AP1G1: variants seen among roughly 807,000 people sequenced by gnomAD.
The protein encoded by AP1G1 is adaptor related protein complex 1 subunit gamma 1, also known as AP-1 complex subunit gamma-1.
A neutral mutation model predicts 108.3 loss-of-function variants in AP1G1; 7 were observed. The ratio of observed to expected loss-of-function variants is 0.06; its 90% CI spans 0.04 to 0.12. The LOEUF is 0.12. AP1G1 is among the 10% of genes least tolerant of loss of function. The pLI is 1.00. For synonymous variants in AP1G1, 379 were observed against 353.5 expected, an observed-to-expected ratio of 1.07 and a Z score of -0.81; for missense variants, 756 against 1,010.7, an observed-to-expected ratio of 0.75 and a Z score of 3.42.
chr16:71,799,097 A>T (rs1378144543), intron 1 of AP1G1, among the ~76,000 whole-genome samples: 2 of 152,174 alleles, frequency 1.3e-5, no homozygotes, highest in Middle Eastern at 3.2e-3. Flanking sequence ...GGGAAGTTAA[A>T]ATTAAGACAA....
chr16:71,761,692 G>A (rs2031092345), intron 9 of AP1G1, 125 bp from the exon 10 acceptor site: 2 of 712,272 alleles, frequency 2.8e-6, no homozygotes, highest in East Asian at 2.7e-5. Flanking sequence ...AAAAGGAGCT[G>A]GGTGCGGTGG....
chr16:71,769,560 T>C (rs755058656), intron 6 of AP1G1, 63 bp downstream of exon 6: 13 of 1,434,752 alleles, frequency 9.1e-6, no homozygotes, highest in Middle Eastern at 2.0e-4. Flanking sequence ...AAGAAAATCA[T>C]GTACTTTTCA....
intron 8 of AP1G1, 51 bp from the exon 9 acceptor site, chr16:71,764,499 A>T: frequency 7.3e-7 from 1 of 1,375,370 alleles, no homozygotes; most frequent in Non-Finnish European, 1.0e-6. Flanking sequence ...CAATGCTCCC[A>T]AAACATATTC....
intron 1 of AP1G1, among the ~76,000 whole-genome samples, chr16:71,791,479 G>T (rs2032395887): frequency 6.6e-6 from 1 of 151,946 alleles, no homozygotes; most frequent in Admixed American, 6.6e-5. Flanking sequence ...GTAAAATCTT[G>T]TGAAGAATGT....
At position 71,761,538 on chromosome 16, in the gene AP1G1, G is replaced by A. The variant is rs1288666053; in HGVS notation, c.948C>T (p.Phe316=). 1.2e-6 allele frequency: 2 copies of A among 1,602,276 alleles called. No individual in the cohort carries two copies. Among genetic ancestry groups the A allele is most frequent in the African/African-American group, 2.7e-5 (2 of 74,564 alleles). The change falls in exon 10 of 23, where the codon TTC becomes TTT. Residue 316 remains phenylalanine (F), a synonymous_variant. Transcript: ENST00000299980. ...RVLAINILGR[F]LLNNDKNIRY... ...TAATATTCTTGTCATTGTTCAATAA[G>A]AAACGACCCAGGATATTTATGGCTA...
At chr16:71,775,935 A>C (rs1254127333) in intron 2 of AP1G1, among the ~76,000 whole-genome samples, 1 of 152,228 alleles carries the variant, frequency 6.6e-6, no homozygotes, top group Non-Finnish European at 1.5e-5. Flanking sequence ...AACCACCTTC[A>C]AAATCACTTT....
chr16:71,776,348 C>T (rs2031779849), intron 2 of AP1G1, among the ~76,000 whole-genome samples: 1 of 152,142 alleles, frequency 6.6e-6, no homozygotes, highest in African/African-American at 2.4e-5. Flanking sequence ...AAAAGGAAAA[C>T]ATAAATGCCT....
intron 21 of AP1G1, 50 bp downstream of exon 21, chr16:71,738,892 G>T (rs904764): frequency 6.9e-7 from 1 of 1,440,060 alleles, no homozygotes; most frequent in Non-Finnish European, 9.4e-7. Context: ...AAAAAAAAAA[G>T]CCAGCCAATC....
At chr16:71,790,979 G>A (rs1166049648) in intron 1 of AP1G1, among the ~76,000 whole-genome samples, 1 of 152,150 alleles carries the variant, frequency 6.6e-6, no homozygotes, top group Non-Finnish European at 1.5e-5. Context: ...CCAGCACTTT[G>A]GGAGGCCAAG....
At chr16:71,795,665 A>G (rs1343496756) in intron 1 of AP1G1, among the ~76,000 whole-genome samples, 1 of 152,218 alleles carries the variant, frequency 6.6e-6, no homozygotes, top group Non-Finnish European at 1.5e-5. Flanking sequence ...CTAGAATGTG[A>G]CACTAGAAAA....
intron 1 of AP1G1, among the ~76,000 whole-genome samples, chr16:71,793,221 T>G (rs1192082684): frequency 2.0e-5 from 3 of 152,106 alleles, no homozygotes; most frequent in Non-Finnish European, 2.9e-5. Flanking sequence ...ACTCCAACCT[T>G]TTTTTAAAAA....
In AP1G1 at chr16:71,806,636, T is replaced by C. The variant is rs1238123051; in HGVS notation, c.-4+2127A>G. 3.4e-6 allele frequency: 4 copies of C among 1,189,340 alleles called. No homozygotes were observed. In the East Asian group the frequency reaches 1.7e-4, roughly 51 times the overall value. 73.7% of individuals were successfully genotyped at this position (1,189,340 alleles called of 1,614,324 possible). The stretch of plus-strand genomic sequence containing the variant: ...CTCTTCTAACACCTTACTTGAAAAG[T>C]CTAAGTCAGAAATGGAACATTTCAG... On this transcript the variant is annotated intron_variant, in intron 1 of 22. Transcript: ENST00000299980.
intron 19 of AP1G1, among the ~76,000 whole-genome samples, chr16:71,742,008 G>C (rs2029893109): frequency 6.6e-6 from 1 of 151,966 alleles, no homozygotes; most frequent in Non-Finnish European, 1.5e-5. Context: ...CTATATAATG[G>C]GGTAAAACTG....
chr16:71,805,399 C>T (rs112568470), intron 1 of AP1G1, among the ~76,000 whole-genome samples: 7 of 149,374 alleles, frequency 4.7e-5, no homozygotes, highest in African/African-American at 1.7e-4. Context: ...CACAGTGAGC[C>T]GAGATCGAGC....
chr16:71,769,707 A>T lies in AP1G1; in HGVS notation c.566-8T>A. 1 of 1,610,992 alleles carries T rather than the reference A, an allele frequency of 6.2e-7. No homozygotes were observed. The highest frequency in any genetic ancestry group is 8.5e-7 in the Non-Finnish European group (1 of 1,177,656). On this transcript the variant is annotated splice_region_variant and splice_polypyrimidine_tract_variant and intron_variant, in intron 5 of 22. Coordinates refer to ENST00000299980, the MANE Select transcript of AP1G1 (RefSeq NM_001128.6). The stretch of plus-strand genomic sequence containing the variant: ...CAGATGTGTGGAGGACACCTGAAAG[A>T]AAAGATCAAAGGAAAACTAAAAATG...
chr16:71,805,078 T>C (rs912658434), intron 1 of AP1G1, among the ~76,000 whole-genome samples: 2 of 152,034 alleles, frequency 1.3e-5, no homozygotes, highest in African/African-American at 4.8e-5. Context: ...AAAAAAATTG[T>C]TTGCTACTTT....
intron 2 of AP1G1, chr16:71,777,757 G>C: frequency 2.2e-6 from 1 of 446,160 alleles, no homozygotes; most frequent in South Asian, 1.7e-5. Context: ...GCTCTTTCTG[G>C]CTTGCCTCCT....
rs1387217717 is a variant in AP1G1 at position 71,770,916 on chromosome 16, T to A, written c.565+240A>T. Among the ~76,000 whole-genome samples the A allele has an allele frequency of 2.0e-5, 3 of 152,180 alleles. No homozygotes were observed. In the South Asian group the frequency reaches 6.2e-4, roughly 31 times the overall value. ...AATATTAACAACTTAATATTTTTAA[T>A]AAAGTAAAAGAGGACCAGAGATGAA... On this transcript the variant is annotated intron_variant, in intron 5 of 22. Coordinates refer to ENST00000299980, the MANE Select transcript of AP1G1 (RefSeq NM_001128.6).
intron 1 of AP1G1, among the ~76,000 whole-genome samples, chr16:71,793,410 G>A (rs973584794): frequency 1.3e-5 from 2 of 152,100 alleles, no homozygotes; most frequent in Non-Finnish European, 2.9e-5. Flanking sequence ...TCAGAAAACT[G>A]TAAGGGAAAG....
Sources: gnomAD v4.1 joint callset for allele counts (sites outside exome capture counted in the v4.1 genomes callset) on GRCh38, gnomAD v4.1.1 for gene constraint, MANE v1.5 for transcripts, NCBI Gene and HGNC (gene_info 2026-07-23, HGNC 2026-07-21) for gene names.